The following DRC8 variants were observed in gnomAD, a reference collection of about 807,000 sequenced individuals.
DRC8 encodes the protein dynein regulatory complex protein 8.
chr1:245,094,655 C>T, the DRC8 span, among the ~76,000 whole-genome samples: 4 of 152,270 alleles, frequency 2.6e-5, no homozygotes, highest in South Asian at 2.1e-4. Context: ...AGTTATCTTG[C>T]GTTCCCTGCA....
the DRC8 span, among the ~76,000 whole-genome samples, chr1:245,108,366 G>A: frequency 6.6e-6 from 1 of 152,208 alleles, no homozygotes; most frequent in Non-Finnish European, 1.5e-5. Flanking sequence ...TTGAATGCTT[G>A]CCAGTGATGC....
chr1:245,036,264 C>T, the DRC8 span, among the ~76,000 whole-genome samples: 1 of 152,110 alleles, frequency 6.6e-6, no homozygotes, highest in Non-Finnish European at 1.5e-5. Context: ...ATGGCCAAAA[C>T]ATCACATGAA....
At chr1:244,979,292 CTTTTTTTTTTTTTTTT>C in the DRC8 span, among the ~76,000 whole-genome samples, 3 of 51,382 alleles carry the variant, frequency 5.8e-5, no homozygotes, top group African/African-American at 9.8e-5. Flanking sequence ...CGAAGCTTAT[CTTTTTTTTTTTTTTTT>C]TTTTTTTTTT....
the DRC8 span, among the ~76,000 whole-genome samples, chr1:244,980,337 G>A: frequency 0.01 from 1,534 of 152,136 alleles, 14 homozygotes; most frequent in Middle Eastern, 0.027. Context: ...CAGCGTGGCT[G>A]ACAGAATGAG....
chr1:245,104,986 T>C, the DRC8 span, among the ~76,000 whole-genome samples: 46 of 152,352 alleles, frequency 3.0e-4, no homozygotes, highest in African/African-American at 1.0e-3. Flanking sequence ...AGCCTGGTCT[T>C]TGGTCCTGTA....
At chr1:245,001,183 A>G in the DRC8 span, among the ~76,000 whole-genome samples, 458 of 152,338 alleles carry the variant, frequency 3.0e-3, 2 homozygotes, top group African/African-American at 9.8e-3. Flanking sequence ...TAATACTTAC[A>G]GTATTCTTTG....
At chr1:245,034,081 A>T in the DRC8 span, among the ~76,000 whole-genome samples, 2 of 152,082 alleles carry the variant, frequency 1.3e-5, no homozygotes, top group Non-Finnish European at 2.9e-5. Flanking sequence ...TGGGACGATT[A>T]TCTTTCTATC....
chr1:245,105,295 C>G, the DRC8 span, among the ~76,000 whole-genome samples: 1 of 152,126 alleles, frequency 6.6e-6, no homozygotes, highest in Non-Finnish European at 1.5e-5. Context: ...AACCTGTCAC[C>G]TAATGGTTGC....
At chr1:245,041,229 GTGTACC>G in the DRC8 span, among the ~76,000 whole-genome samples, 157 of 152,172 alleles carry the variant, frequency 1.0e-3, no homozygotes, top group Non-Finnish European at 1.8e-3. Flanking sequence ...AAAGAGGATA[GTGTACC>G]TGTGAGGTCG....
At chr1:245,016,441 G>T in the DRC8 span, among the ~76,000 whole-genome samples, 1 of 152,004 alleles carries the variant, frequency 6.6e-6, no homozygotes, top group Non-Finnish European at 1.5e-5. Context: ...TACCACAGAG[G>T]CAGGCCTCTC....
At chr1:245,080,569 C>T in the DRC8 span, among the ~76,000 whole-genome samples, 1 of 152,170 alleles carries the variant, frequency 6.6e-6, no homozygotes, top group African/African-American at 2.4e-5. Flanking sequence ...TGGTATAAGT[C>T]AGAATCTTGG....
chr1:245,086,338 T>C, the DRC8 span, among the ~76,000 whole-genome samples: 3 of 152,202 alleles, frequency 2.0e-5, no homozygotes, highest in Non-Finnish European at 4.4e-5. Flanking sequence ...ACTAGTTTGG[T>C]AAAATAGGAG....
the DRC8 span, chr1:245,082,100 C>T: frequency 0.38 from 613,471 of 1,595,188 alleles, 122,873 homozygotes; most frequent in Middle Eastern, 0.48. Flanking sequence ...AAGAAGAACC[C>T]ACTGGATACA....
At chr1:245,002,259 A>G in the DRC8 span, 4 of 1,560,584 alleles carry the variant, frequency 2.6e-6, no homozygotes, top group African/African-American at 1.4e-5. Flanking sequence ...CCTCCTCCCC[A>G]TCACTGTGTC....
chr1:244,991,902 T>G, the DRC8 span, among the ~76,000 whole-genome samples: 1 of 152,234 alleles, frequency 6.6e-6, no homozygotes, highest in Non-Finnish European at 1.5e-5. Flanking sequence ...GCTGTTACAA[T>G]TGACTGTCTG....
chr1:245,021,051 TATGTAAAACA>T, the DRC8 span, among the ~76,000 whole-genome samples: 223 of 152,218 alleles, frequency 1.5e-3, 1 homozygote, highest in Non-Finnish European at 1.0e-3. Context: ...ACATTGAACG[TATGTAAAACA>T]ATGTAAAACA....
chr1:245,118,810 G>GAAAAGAAAAGAAAAGAA, the DRC8 span, among the ~76,000 whole-genome samples: 16 of 83,108 alleles, frequency 1.9e-4, no homozygotes. Context: ...GAAAAGAAAA[G>GAAAAGAAAAGAAAAGAA]AAAAGAAAAG....
At chr1:245,059,610 C>T in the DRC8 span, 1 of 583,916 alleles carries the variant, frequency 1.7e-6, no homozygotes, top group Non-Finnish European at 2.9e-6. Flanking sequence ...TCATATTAGC[C>T]AACCAACAAA....
chr1:245,002,961 C>T, the DRC8 span, among the ~76,000 whole-genome samples: 1 of 152,124 alleles, frequency 6.6e-6, no homozygotes, highest in Non-Finnish European at 1.5e-5. Context: ...TTCACATCTC[C>T]CCCTCCTGGA....
Sources: gnomAD v4.1 joint callset for allele counts (sites outside exome capture counted in the v4.1 genomes callset) on GRCh38, gnomAD v4.1.1 for gene constraint, MANE v1.5 for transcripts, NCBI Gene and HGNC (gene_info 2026-07-23, HGNC 2026-07-21) for gene names.